The following CXCL13 variants were observed in gnomAD, a reference collection of about 807,000 sequenced individuals.
CXCL13 encodes C-X-C motif chemokine ligand 13.
CXCL13 carries 7 observed loss-of-function variants against 12.2 expected under a neutral mutation model. The observed-to-expected ratio is 0.57, with a 90% CI of 0.33 to 1.07. The LOEUF is 1.07. CXCL13 is among the 50% of genes least tolerant of loss of function. The pLI is 0.04. For missense variants in CXCL13, 113 were observed against 127.4 expected (o/e 0.89, Z 0.55); for synonymous variants, 47 against 42.4 (o/e 1.11, Z -0.42).
At chr4:77,592,785 G>A (rs1476736658) in intron 1 of CXCL13, among the ~76,000 whole-genome samples, 2 of 152,170 alleles carry the variant, frequency 1.3e-5, no homozygotes, top group Non-Finnish European at 2.9e-5. Context: ...AGTTTTGAGT[G>A]AGAACACGAA....
At chr4:77,606,630 A>C (rs562398109) in intron 1 of CXCL13, among the ~76,000 whole-genome samples, 7 of 152,174 alleles carry the variant, frequency 4.6e-5, no homozygotes, top group African/African-American at 1.4e-4. Context: ...ACTCTTCAAA[A>C]CCCTAATTTC....
chr4:77,515,526 C>T (rs1448050383), intron 1 of CXCL13, among the ~76,000 whole-genome samples: 5 of 152,084 alleles, frequency 3.3e-5, no homozygotes, highest in Admixed American at 3.3e-4. Flanking sequence ...CCTTCACATC[C>T]CTTATAAGGT....
intron 1 of CXCL13, among the ~76,000 whole-genome samples, chr4:77,547,600 A>G (rs979518863): frequency 2.6e-5 from 4 of 151,796 alleles, no homozygotes; most frequent in Non-Finnish European, 5.9e-5. Context: ...ATCTTCCTCC[A>G]TCCCTTTATT....
intron 1 of CXCL13, among the ~76,000 whole-genome samples, chr4:77,513,519 T>A (rs1214219391): frequency 6.6e-6 from 1 of 151,764 alleles, no homozygotes; most frequent in African/African-American, 2.4e-5. Context: ...TGGCACAATC[T>A]CAGCCCACTC....
At chr4:77,598,447 C>T (rs1317713752) in intron 1 of CXCL13, among the ~76,000 whole-genome samples, 3 of 152,274 alleles carry the variant, frequency 2.0e-5, no homozygotes, top group East Asian at 3.9e-4. Flanking sequence ...ATAGAACAAC[C>T]AGACTATGCT....
At chr4:77,558,594 C>T (rs561628096) in intron 1 of CXCL13, among the ~76,000 whole-genome samples, 2 of 152,326 alleles carry the variant, frequency 1.3e-5, no homozygotes, top group South Asian at 2.1e-4. Context: ...CTCAGGTGAT[C>T]TGCCCGCCTT....
chr4:77,536,210 CT>C (rs1725054254), intron 1 of CXCL13, among the ~76,000 whole-genome samples: 1 of 152,142 alleles, frequency 6.6e-6, no homozygotes, highest in African/African-American at 2.4e-5. Context: ...GTAGTTTACA[CT>C]CTGCCTTATT....
chr4:77,528,176 T>A, intron 1 of CXCL13, among the ~76,000 whole-genome samples: 1 of 152,244 alleles, frequency 6.6e-6, no homozygotes. Flanking sequence ...ATCCAGTCTA[T>A]CATTGTTGGA....
chr4:77,544,190 AGTGCCGCAATAAACGTATGT>A (rs1252419374), intron 1 of CXCL13, among the ~76,000 whole-genome samples: 8 of 152,214 alleles, frequency 5.3e-5, no homozygotes, highest in Admixed American at 1.3e-4. Context: ...TATTGGGAAT[AGTGCCGCAATAAACGTATGT>A]GTGCATGTGT....
intron 1 of CXCL13, among the ~76,000 whole-genome samples, chr4:77,525,751 A>G (rs145836167): frequency 4.7e-4 from 71 of 152,312 alleles, no homozygotes; most frequent in African/African-American, 1.6e-3. Context: ...ATGCACTACC[A>G]AAATAACACT....
chr4:77,565,538 G>T (rs979555438), intron 1 of CXCL13, among the ~76,000 whole-genome samples: 4 of 152,064 alleles, frequency 2.6e-5, no homozygotes, highest in African/African-American at 9.7e-5. Context: ...ATATATATTT[G>T]CAGGGTCAAT....
intron 1 of CXCL13, among the ~76,000 whole-genome samples, chr4:77,531,354 A>G (rs1392392646): frequency 7.5e-6 from 1 of 133,414 alleles, no homozygotes; most frequent in Non-Finnish European, 1.5e-5. Flanking sequence ...AATTCCTGTG[A>G]GTGAGAACAT....
intron 1 of CXCL13, among the ~76,000 whole-genome samples, chr4:77,582,742 TCTG>T (rs1726369050): frequency 6.6e-6 from 1 of 152,214 alleles, no homozygotes; most frequent in South Asian, 2.1e-4. Context: ...TAAAAATGCT[TCTG>T]CTGCAATATG....
intron 1 of CXCL13, among the ~76,000 whole-genome samples, chr4:77,541,798 G>T (rs193274877): frequency 4.7e-4 from 71 of 152,108 alleles, no homozygotes; most frequent in African/African-American, 1.6e-3. Context: ...TCTGTACATT[G>T]CTTTGTGTGG....
intron 1 of CXCL13, among the ~76,000 whole-genome samples, chr4:77,514,507 G>A (rs1414523225): frequency 2.7e-5 from 4 of 146,758 alleles, no homozygotes; most frequent in African/African-American, 1.0e-4. Context: ...TCTAACTGGT[G>A]TGAGATGATA....
At chr4:77,553,146 T>A (rs926278643) in intron 1 of CXCL13, among the ~76,000 whole-genome samples, 2 of 152,224 alleles carry the variant, frequency 1.3e-5, no homozygotes, top group Non-Finnish European at 2.9e-5. Context: ...GGTCACCAGC[T>A]GGCCCTAGCT....
chr4:77,550,806 G>T (rs1011741216), intron 1 of CXCL13, among the ~76,000 whole-genome samples: 13 of 152,154 alleles, frequency 8.5e-5, no homozygotes, highest in Admixed American at 7.9e-4. Context: ...CCAATGTTGG[G>T]TGTGTATATA....
chr4:77,605,373 T>C (rs1158460515), upstream of CXCL13, among the ~76,000 whole-genome samples: 1 of 152,200 alleles, frequency 6.6e-6, no homozygotes, highest in Non-Finnish European at 1.5e-5. Context: ...GTGCAAATAT[T>C]TACTGAGCAC....
chr4:77,572,096 G>A (rs541108271), intron 1 of CXCL13, among the ~76,000 whole-genome samples: 3 of 152,026 alleles, frequency 2.0e-5, no homozygotes, highest in African/African-American at 7.3e-5. Flanking sequence ...GCGAGGGTCC[G>A]CGGCTTCATT....
Sources: gnomAD v4.1 joint callset for allele counts (sites outside exome capture counted in the v4.1 genomes callset) on GRCh38, gnomAD v4.1.1 for gene constraint, MANE v1.5 for transcripts, NCBI Gene and HGNC (gene_info 2026-07-23, HGNC 2026-07-21) for gene names.